The following UBE2V2 variants were observed in gnomAD, a reference collection of about 807,000 sequenced individuals.
UBE2V2 encodes ubiquitin conjugating enzyme E2 V2.
In UBE2V2, 9 loss-of-function variants were observed where a neutral mutation model predicts 17.2. The ratio of observed to expected loss-of-function variants is 0.52; its 90% CI spans 0.32 to 0.91. The LOEUF (loss-of-function observed/expected upper bound fraction) is 0.91, where lower values mean the gene tolerates loss of function less well. Ranked by LOEUF, UBE2V2 falls within the 40% of genes least tolerant of loss-of-function variation. The pLI, the probability that UBE2V2 is intolerant of heterozygous loss-of-function variation, is 0.04. For synonymous variants in UBE2V2, 61 were observed against 57.5 expected, an observed-to-expected ratio of 1.06 and a Z score of -0.28; for missense variants, 133 against 182.6, an observed-to-expected ratio of 0.73 and a Z score of 1.56.
Position 48,043,019 on chromosome 8 carries a change from G to A in UBE2V2, c.17-14G>A, listed in dbSNP as rs752511071. On this transcript the variant is annotated splice_polypyrimidine_tract_variant and intron_variant, in intron 1 of 3. Transcript: ENST00000523111. ...ATGAGCTTTTTACATTTACACTGAC[G>A]TTCTTTTGTATAGGAGTTAAAGTTC... The A allele has an allele frequency of 9.4e-6, 14 of 1,491,060 alleles. No homozygotes were observed. Among genetic ancestry groups the A allele is most frequent in the Middle Eastern group, 1.8e-4 (1 of 5,538 alleles). 92.4% of individuals were successfully genotyped at this position (1,491,060 alleles called of 1,614,324 possible). A position where few individuals can be genotyped will look rare whatever the true frequency, so the allele number is the denominator to read the frequency against.
At chr8:48,045,988 C>T (rs991276578) in intron 2 of UBE2V2, among the ~76,000 whole-genome samples, 1 of 152,076 alleles carries the variant, frequency 6.6e-6, no homozygotes, top group Non-Finnish European at 1.5e-5. Context: ...CTCTTGTTGC[C>T]CAGGCTAAAG....
At chr8:48,037,292 T>C (rs1217890621) in intron 1 of UBE2V2, among the ~76,000 whole-genome samples, 1 of 152,238 alleles carries the variant, frequency 6.6e-6, no homozygotes, top group Admixed American at 6.5e-5. Flanking sequence ...TTAGAAATAA[T>C]GTGTTTCAGC....
intron 2 of UBE2V2, 55 bp from the exon 3 acceptor site, chr8:48,049,798 C>T: frequency 6.9e-7 from 1 of 1,445,430 alleles, no homozygotes; most frequent in Non-Finnish European, 9.4e-7. Context: ...AGCACTTAGA[C>T]ATTAATATTT....
intron 1 of UBE2V2, among the ~76,000 whole-genome samples, chr8:48,028,862 A>G (rs1363400316): frequency 1.3e-5 from 2 of 152,166 alleles, no homozygotes; most frequent in Non-Finnish European, 2.9e-5. Flanking sequence ...TTCTGGATAC[A>G]AGTCCTTTAT....
At chr8:47,998,316 C>G in the UBE2V2 span, among the ~76,000 whole-genome samples, 1 of 151,894 alleles carries the variant, frequency 6.6e-6, no homozygotes, top group African/African-American at 2.4e-5. Flanking sequence ...GAAGTAGGGG[C>G]GCACGTAGAA....
At position 48,036,739 on chromosome 8, in the gene UBE2V2, A is replaced by T. The variant is rs919541153; in HGVS notation, c.17-6294A>T. ...CATGAGCCACTGCCTGGCCGACTCA[A>T]AAATATTTTTTCAATTGATGTTGAT... On this transcript the variant is annotated intron_variant, in intron 1 of 3. Transcript: ENST00000523111. Among the ~76,000 whole-genome samples, 8 of 152,044 alleles carry T rather than the reference A, an allele frequency of 5.3e-5. No homozygotes were observed. In the South Asian group the frequency reaches 1.5e-3, roughly 28 times the overall value.
chr8:48,001,990 G>GAGGC, the UBE2V2 span, among the ~76,000 whole-genome samples: 1 of 152,108 alleles, frequency 6.6e-6, no homozygotes, highest in African/African-American at 2.4e-5. Context: ...TTGGAAGGCT[G>GAGGC]AGGCAGGAGA....
chr8:47,999,857 C>T, the UBE2V2 span, among the ~76,000 whole-genome samples: 1 of 152,188 alleles, frequency 6.6e-6, no homozygotes, highest in Non-Finnish European at 1.5e-5. Context: ...CAATTCCTGT[C>T]CCTTTTAAGG....
chr8:48,018,604 C>T (rs910950431), intron 1 of UBE2V2, among the ~76,000 whole-genome samples: 3 of 152,144 alleles, frequency 2.0e-5, no homozygotes, highest in Admixed American at 2.0e-4. Context: ...GTTCCATGTG[C>T]AGCTTAAAAT....
At chr8:48,034,928 C>T in intron 1 of UBE2V2, 2 of 746,834 alleles carry the variant, frequency 2.7e-6, no homozygotes, top group Non-Finnish European at 3.3e-6. Context: ...ACGCCTTGCT[C>T]CCCCTCCCTG....
intron 3 of UBE2V2, 35 bp downstream of exon 3, chr8:48,050,013 A>G (rs778235198): frequency 2.9e-6 from 4 of 1,398,172 alleles, no homozygotes; most frequent in Non-Finnish European, 1.9e-6. Context: ...TTTATATAAC[A>G]TAATGTATAG....
At chr8:48,027,919 T>A (rs1439706912) in intron 1 of UBE2V2, among the ~76,000 whole-genome samples, 1 of 152,108 alleles carries the variant, frequency 6.6e-6, no homozygotes, top group Non-Finnish European at 1.5e-5. Context: ...AATGGCGCGG[T>A]CTTGGCTCAC....
At chr8:48,052,834 T>G (rs1288896233) in intron 3 of UBE2V2, among the ~76,000 whole-genome samples, 1 of 152,200 alleles carries the variant, frequency 6.6e-6, no homozygotes, top group Non-Finnish European at 1.5e-5. Context: ...TCTCAAGACC[T>G]TTGCACTTCT....
intron 1 of UBE2V2, among the ~76,000 whole-genome samples, chr8:48,028,686 A>G (rs961837743): frequency 3.3e-5 from 5 of 152,034 alleles, no homozygotes; most frequent in Non-Finnish European, 1.5e-5. Context: ...GAGTTTCACC[A>G]TGTTGGCCAG....
intron 2 of UBE2V2, chr8:48,043,520 G>C (rs1334961765): frequency 6.2e-6 from 1 of 160,528 alleles, no homozygotes; most frequent in African/African-American, 2.4e-5. Context: ...GAGGAAGGCT[G>C]AACAGTGGAG....
At chr8:48,059,556 G>C (rs1051470577) in intron 3 of UBE2V2, among the ~76,000 whole-genome samples, 2 of 151,894 alleles carry the variant, frequency 1.3e-5, no homozygotes, top group African/African-American at 4.8e-5. Flanking sequence ...GTACAGGCAC[G>C]TGCCACCACA....
the UBE2V2 span, among the ~76,000 whole-genome samples, chr8:48,001,073 G>A: frequency 3.3e-5 from 5 of 151,984 alleles, no homozygotes; most frequent in Non-Finnish European, 5.9e-5. Flanking sequence ...AACCGAGTGC[G>A]CTCCCTCACC....
chr8:48,053,217 C>T (rs1200797442), intron 3 of UBE2V2, among the ~76,000 whole-genome samples: 1 of 151,870 alleles, frequency 6.6e-6, no homozygotes, highest in East Asian at 1.9e-4. Flanking sequence ...ATTGATGTTC[C>T]AACTTGAATT....
chr8:48,050,851 A>C (rs971315277), intron 3 of UBE2V2, among the ~76,000 whole-genome samples: 1 of 152,120 alleles, frequency 6.6e-6, no homozygotes, highest in Non-Finnish European at 1.5e-5. Context: ...GTGTTGAAAC[A>C]GTCATGGCTG....
Sources: gnomAD v4.1 joint callset for allele counts (sites outside exome capture counted in the v4.1 genomes callset) on GRCh38, gnomAD v4.1.1 for gene constraint, MANE v1.5 for transcripts, NCBI Gene and HGNC (gene_info 2026-07-23, HGNC 2026-07-21) for gene names.